The following FSD2 variants were observed in gnomAD, a reference collection of about 807,000 sequenced individuals.
The protein encoded by FSD2 is fibronectin type III and SPRY domain-containing protein 2.
In FSD2, 71 loss-of-function variants were observed where a neutral mutation model predicts 80.4. That is an observed-to-expected ratio of 0.88 (90% CI 0.73 to 1.08). The LOEUF (loss-of-function observed/expected upper bound fraction) is 1.08. Ranked by LOEUF, FSD2 falls within the 50% of genes least tolerant of loss-of-function variation. FSD2 has a pLI of 0.00. For missense variants in FSD2, 923 were observed against 913.8 expected (o/e 1.01, Z -0.13); for synonymous variants, 361 against 329.5 (o/e 1.10, Z -1.03).
intron 9 of FSD2, among the ~76,000 whole-genome samples, chr15:82,767,118 C>T (rs1469773320): frequency 6.6e-6 from 1 of 152,080 alleles, no homozygotes; most frequent in East Asian, 1.9e-4. Context: ...ATAGGGAGGC[C>T]CTCAGAAAAA....
At chr15:82,764,409 C>T (rs970170490) in intron 11 of FSD2, among the ~76,000 whole-genome samples, 2 of 151,724 alleles carry the variant, frequency 1.3e-5, no homozygotes, top group Admixed American at 6.6e-5. Context: ...GCCCTTAAGC[C>T]GCTTGCTTGG....
chr15:82,769,796 G>T lies in FSD2; in HGVS notation c.1356C>A (p.Asn452Lys). 1 of 1,613,926 alleles carries T rather than the reference G, an allele frequency of 6.2e-7. No homozygotes were observed. ...CGCTAGAGGGGCTGGGGCCAGCCCT[G>T]TTGTGAGCTGTGACCCAAAATTCAT... ...TQYEFWVTAH[N>K]RAGPSPSSER... The change falls in exon 8 of 13, where the codon AAC becomes AAA. Residue 452 changes from asparagine (N) to lysine (K), a missense_variant. Physicochemically the swap from Asn to Lys is moderately conservative, Grantham distance 94. Transcript: ENST00000334574.
At chr15:82,790,876 C>T (rs987951869) in intron 1 of FSD2, among the ~76,000 whole-genome samples, 2 of 151,332 alleles carry the variant, frequency 1.3e-5, no homozygotes, top group Admixed American at 6.6e-5. Context: ...TGAGCCACCA[C>T]GCCCGGCCCA....
chr15:82,764,448 C>T (rs1033530185), intron 11 of FSD2, among the ~76,000 whole-genome samples: 3 of 145,292 alleles, frequency 2.1e-5, no homozygotes, highest in Non-Finnish European at 3.0e-5. Flanking sequence ...AGTGTGCTTT[C>T]GTTTTCAATA....
chr15:82,763,283 C>G (rs2151487119), intron 11 of FSD2, among the ~76,000 whole-genome samples: 1 of 152,282 alleles, frequency 6.6e-6, no homozygotes, highest in South Asian at 2.1e-4. Context: ...TCATTATCTA[C>G]CCGGTAACCC....
At chr15:82,796,004 T>A (rs1246074814) in intron 1 of FSD2, among the ~76,000 whole-genome samples, 1 of 144,774 alleles carries the variant, frequency 6.9e-6, no homozygotes, top group African/African-American at 2.6e-5. Flanking sequence ...TCTTTTCTTT[T>A]TTTTTTTTTT....
At chr15:82,802,293 A>T (rs1038549283) in intron 1 of FSD2, among the ~76,000 whole-genome samples, 4 of 152,186 alleles carry the variant, frequency 2.6e-5, no homozygotes, top group African/African-American at 9.7e-5. Context: ...CCTCCTGGGT[A>T]TCATGCACAT....
intron 1 of FSD2, among the ~76,000 whole-genome samples, chr15:82,802,760 C>T (rs1800776295): frequency 1.3e-5 from 2 of 152,142 alleles, no homozygotes; most frequent in African/African-American, 4.8e-5. Context: ...CTGGTTGCTG[C>T]CTCTGCTCCT....
rs150328334 is a variant in FSD2, at chr15:82,804,625, C to T, written c.-79+1341G>A. 2.0e-3 allele frequency among the ~76,000 whole-genome samples: 303 copies of T among 152,182 alleles called. 1 individual carries two copies. The highest frequency in any genetic ancestry group is 6.9e-3 in the African/African-American group (287 of 41,512). ...TAATGCTTACATTCCCATGTGCTAC[C>T]CAAAGGGAAATAGCCAGGATTCTGT... On this transcript the variant is annotated intron_variant, in intron 1 of 12. Transcript: ENST00000334574.
chr15:82,774,003 G>A (rs1053719187), intron 6 of FSD2, among the ~76,000 whole-genome samples: 3 of 152,138 alleles, frequency 2.0e-5, no homozygotes, highest in Admixed American at 6.5e-5. Context: ...TTGGTGAGAA[G>A]GGGAAAGCAA....
intron 1 of FSD2, among the ~76,000 whole-genome samples, chr15:82,794,869 C>T (rs895668227): frequency 1.3e-4 from 19 of 151,898 alleles, no homozygotes; most frequent in Admixed American, 6.6e-4. Flanking sequence ...GGACTACAGG[C>T]GCCCGCCACC....
Position 82,758,369 on chromosome 15 carries a change from GGCAGTGAGGCAGGATGCCTGAAAGCT to G in FSD2, c.*953_*978del, listed in dbSNP as rs1180315801. 1 of 152,384 alleles carries G rather than the reference GGCAGTGAGGCAGGATGCCTGAAAGCT, an allele frequency of 6.6e-6. No individual in the cohort carries two copies. The highest frequency in any genetic ancestry group is 1.5e-5 in the Non-Finnish European group (1 of 68,062). 9.4% of individuals were successfully genotyped at this position (152,384 alleles called of 1,614,324 possible). The stretch of plus-strand genomic sequence containing the variant: ...CATTGAGCTCACAGAATGGCCTGGG[GGCAGTGAGGCAGGATGCCTGAAAGCT>G]GCCTAGCTAGAGATCAGTCTTCCTT... On this transcript the variant is annotated 3_prime_UTR_variant, in exon 13 of 13. Transcript: ENST00000334574.
At chr15:82,784,894 G>A (rs775126086) in intron 3 of FSD2, among the ~76,000 whole-genome samples, 3 of 152,210 alleles carry the variant, frequency 2.0e-5, no homozygotes, top group Non-Finnish European at 2.9e-5. Context: ...TGGTTACCAT[G>A]TATCTACTAG....
chr15:82,786,212 T>A (rs547266708), intron 3 of FSD2, among the ~76,000 whole-genome samples: 1 of 152,140 alleles, frequency 6.6e-6, no homozygotes, highest in Non-Finnish European at 1.5e-5. Flanking sequence ...AACAAACATG[T>A]ATAAAATGCC....
chr15:82,768,532 T>C (rs989390605), intron 9 of FSD2, among the ~76,000 whole-genome samples: 2 of 152,178 alleles, frequency 1.3e-5, no homozygotes, highest in African/African-American at 4.8e-5. Context: ...GGCAGGAAAT[T>C]TGTCCATCTA....
At chr15:82,772,027 CTG>C in intron 7 of FSD2, 44 bp downstream of exon 7, 2 of 1,500,264 alleles carry the variant, frequency 1.3e-6, no homozygotes, top group Non-Finnish European at 1.8e-6. Context: ...CCTGAGGGGC[CTG>C]AACTGTTCCC....
In FSD2 at chr15:82,786,901, A is replaced by G. The variant is rs764689767; in HGVS notation, c.490T>C (p.Tyr164His). 23 of 1,613,850 alleles carry G rather than the reference A, an allele frequency of 1.4e-5. No individual in the cohort carries two copies. Among genetic ancestry groups the G allele is most frequent in the Admixed American group, 3.3e-5 (2 of 59,994 alleles). Residue 164 changes from tyrosine to histidine, a missense_variant, in exon 2 of 13, where the codon TAT becomes CAT. Tyr to His is a moderately conservative substitution (Grantham distance 83). Coordinates refer to ENST00000334574, the MANE Select transcript of FSD2 (RefSeq NM_001007122.4). Reference sequence around the variant, plus strand: ...TCATCCTCTTCCTCGGGGATGACATAGCATTCATACTCCTCGCTGGCACGG... The same window carrying G: ...TCATCCTCTTCCTCGGGGATGACATGGCATTCATACTCCTCGCTGGCACGG... ...HGRASEEYEC[Y>H]VIPEEEDEEE...
Position 82,787,293 on chromosome 15 carries a change from A to G in FSD2, c.98T>C (p.Leu33Pro). 1.2e-6 allele frequency: 2 copies of G among 1,613,918 alleles called. No homozygotes were observed. Among genetic ancestry groups the G allele is most frequent in the Non-Finnish European group, 1.7e-6 (2 of 1,179,892 alleles). The change falls in exon 2 of 13, where the codon CTG becomes CCG. Residue 33 changes from leucine to proline, a missense_variant. Physicochemically the swap from Leu to Pro is moderately conservative, Grantham distance 98. Coordinates refer to ENST00000334574, the MANE Select transcript of FSD2 (RefSeq NM_001007122.4). ...HMDLYDSEDR[L>P]HLFPEENTRM... ...AGTGTTCTCTTCTGGAAAGAGGTGC[A>G]GTCTGTCTTCAGAGTCATACAGGTC...
intron 6 of FSD2, among the ~76,000 whole-genome samples, chr15:82,778,127 C>CATATATATATATAT (rs34527251): frequency 0.022 from 1,867 of 83,792 alleles, 60 homozygotes; most frequent in African/African-American, 0.034. Flanking sequence ...ACAAAAAAAC[C>CATATATATATATAT]ATATATATAT....
Sources: allele counts gnomAD v4.1 joint callset (sites outside exome capture counted in the v4.1 genomes callset), GRCh38; gene constraint gnomAD v4.1.1; transcripts MANE v1.5; gene names NCBI Gene and HGNC (gene_info 2026-07-23, HGNC 2026-07-21).